The following C1orf21 variants were observed in gnomAD, a reference collection of about 807,000 sequenced individuals.
C1orf21 encodes chromosome 1 open reading frame 21.
In C1orf21, 3 loss-of-function variants were observed where a neutral mutation model predicts 18.7. The ratio of observed to expected loss-of-function variants is 0.16; its 90% confidence interval spans 0.07 to 0.42. The LOEUF is 0.42. Among genes scored for constraint, C1orf21 ranks in the 10% least tolerant of loss-of-function variants. The pLI is 0.99. For synonymous variants in C1orf21, 41 were observed against 46.4 expected (o/e 0.88, Z 0.47); for missense variants, 104 against 143.6 (o/e 0.72, Z 1.41).
At chr1:184,555,327 C>T (rs555025288) in intron 3 of C1orf21, among the ~76,000 whole-genome samples, 17 of 152,286 alleles carry the variant, frequency 1.1e-4, no homozygotes, top group Non-Finnish European at 2.1e-4. Context: ...ACCTCTGACA[C>T]CCAAGAAACC....
At chr1:184,535,278 A>C (rs1232325287) in intron 3 of C1orf21, among the ~76,000 whole-genome samples, 2 of 152,190 alleles carry the variant, frequency 1.3e-5, no homozygotes, top group Non-Finnish European at 2.9e-5. Context: ...ATGGCTTTGC[A>C]TTCTGATGGT....
At position 184,438,193 on chromosome 1, in the gene C1orf21, A is replaced by G. The variant is rs1460080464; in HGVS notation, c.-124-39193A>G. 7.9e-5 allele frequency among the ~76,000 whole-genome samples: 12 copies of G among 152,232 alleles called. No individual in the cohort carries two copies. In the East Asian group the frequency reaches 1.3e-3, roughly 17 times the overall value. On this transcript the variant is annotated intron_variant, in intron 1 of 5. Coordinates refer to ENST00000235307, the MANE Select transcript of C1orf21 (RefSeq NM_030806.4). Reference sequence around the variant, plus strand: ...GAGTTCACCTTCCTAGGAACTCTCAAAAACAGACTTCTCCTTCCTGATGAA... The same window carrying G: ...GAGTTCACCTTCCTAGGAACTCTCAGAAACAGACTTCTCCTTCCTGATGAA...
intron 2 of C1orf21, among the ~76,000 whole-genome samples, chr1:184,495,387 G>A (rs1221592777): frequency 2.0e-5 from 3 of 152,144 alleles, no homozygotes; most frequent in Non-Finnish European, 4.4e-5. Context: ...TCCCAGAATA[G>A]GAGCAGTGCT....
chr1:184,622,630 A>C lies in C1orf21; in HGVS notation c.*3074A>C, dbSNP rs1293953366. 1 of 152,734 alleles carries C rather than the reference A, an allele frequency of 6.5e-6. No individual in the cohort carries two copies. Among genetic ancestry groups the C allele is most frequent in the African/African-American group, 2.4e-5 (1 of 41,438 alleles). The allele number at this position is 152,734 out of a possible 1,614,324, so 9.5% of individuals were successfully genotyped here. ...TCTATTTAGGGACAAAGAAGGTATA[A>C]AGTCCAGAGATGAGAAAACTGGGTC... On this transcript the variant is annotated 3_prime_UTR_variant, in exon 6 of 6. Transcript: ENST00000235307.
chr1:184,591,723 G>C (rs758291596), intron 4 of C1orf21, among the ~76,000 whole-genome samples: 1 of 151,858 alleles, frequency 6.6e-6, no homozygotes, highest in Non-Finnish European at 1.5e-5. Flanking sequence ...GGAGAGTGGC[G>C]TGAACCCTGG....
At chr1:184,518,600 T>C (rs1350770117) in intron 3 of C1orf21, among the ~76,000 whole-genome samples, 2 of 152,292 alleles carry the variant, frequency 1.3e-5, no homozygotes, top group African/African-American at 2.4e-5. Context: ...ACTACATGAC[T>C]GCAATCCTGT....
intron 3 of C1orf21, among the ~76,000 whole-genome samples, chr1:184,528,435 T>C (rs1658409719): frequency 6.6e-6 from 1 of 150,942 alleles, no homozygotes; most frequent in Non-Finnish European, 1.5e-5. Flanking sequence ...ATCATTTTCC[T>C]TCTTTTCTTT....
At chr1:184,433,968 G>A (rs1489967218) in intron 1 of C1orf21, among the ~76,000 whole-genome samples, 1 of 151,972 alleles carries the variant, frequency 6.6e-6, no homozygotes, top group East Asian at 1.9e-4. Flanking sequence ...TTCTCTAAGA[G>A]CCCATCCCTG....
chr1:184,598,920 C>T (rs1192606459), intron 5 of C1orf21, among the ~76,000 whole-genome samples: 1 of 152,160 alleles, frequency 6.6e-6, no homozygotes, highest in African/African-American at 2.4e-5. Context: ...CAGATATTAT[C>T]TACATTTTAC....
At chr1:184,448,920 A>G (rs1657073707) in intron 1 of C1orf21, among the ~76,000 whole-genome samples, 2 of 152,196 alleles carry the variant, frequency 1.3e-5, no homozygotes, top group Admixed American at 1.3e-4. Flanking sequence ...AAAAGATTTG[A>G]AATAATACAC....
At chr1:184,536,867 C>A (rs1658565156) in intron 3 of C1orf21, among the ~76,000 whole-genome samples, 1 of 150,570 alleles carries the variant, frequency 6.6e-6, no homozygotes, top group Admixed American at 6.6e-5. Context: ...AAAAAGATTA[C>A]TTTCCCTAAA....
At chr1:184,539,804 G>A (rs977375308) in intron 3 of C1orf21, among the ~76,000 whole-genome samples, 46 of 152,194 alleles carry the variant, frequency 3.0e-4, no homozygotes, top group African/African-American at 1.1e-3. Context: ...AATGTGAGTG[G>A]AGGGGATATG....
At chr1:184,419,860 C>T (rs1179537826) in intron 1 of C1orf21, among the ~76,000 whole-genome samples, 1 of 152,106 alleles carries the variant, frequency 6.6e-6, no homozygotes, top group Non-Finnish European at 1.5e-5. Flanking sequence ...AAAGAGGAGG[C>T]AAGGGCACAG....
At chr1:184,535,650 T>C (rs932107453) in intron 3 of C1orf21, among the ~76,000 whole-genome samples, 3 of 152,230 alleles carry the variant, frequency 2.0e-5, no homozygotes, top group Admixed American at 1.3e-4. Context: ...GCATCATAGA[T>C]GGACTTTATC....
At chr1:184,464,062 G>T (rs1277139923) in intron 1 of C1orf21, among the ~76,000 whole-genome samples, 1 of 152,348 alleles carries the variant, frequency 6.6e-6, no homozygotes, top group South Asian at 2.1e-4. Flanking sequence ...AGACTGGCTG[G>T]AGCAAGATGC....
intron 5 of C1orf21, among the ~76,000 whole-genome samples, chr1:184,603,116 C>T (rs1254730073): frequency 1.3e-5 from 2 of 152,140 alleles, no homozygotes; most frequent in African/African-American, 4.8e-5. Flanking sequence ...GCCATGGGCC[C>T]CAGGCAAAGA....
chr1:184,436,008 A>G (rs184167137), intron 1 of C1orf21, among the ~76,000 whole-genome samples: 23 of 152,306 alleles, frequency 1.5e-4, no homozygotes, highest in Non-Finnish European at 3.2e-4. Flanking sequence ...CAAACTAGTG[A>G]GGACAGTAGC....
chr1:184,572,680 G>A (rs1659129138), intron 3 of C1orf21, among the ~76,000 whole-genome samples: 1 of 152,246 alleles, frequency 6.6e-6, no homozygotes, highest in East Asian at 1.9e-4. Flanking sequence ...CAGGCCAGGT[G>A]CGGTGGCTCA....
At chr1:184,476,385 T>C (rs989538983) in intron 1 of C1orf21, among the ~76,000 whole-genome samples, 2 of 152,056 alleles carry the variant, frequency 1.3e-5, no homozygotes, top group Non-Finnish European at 2.9e-5. Context: ...GTGGGAGGGA[T>C]GGAAACAAAG....
Sources: allele counts gnomAD v4.1 joint callset (sites outside exome capture counted in the v4.1 genomes callset), GRCh38; gene constraint gnomAD v4.1.1; transcripts MANE v1.5; gene names NCBI Gene and HGNC (gene_info 2026-07-23, HGNC 2026-07-21).